RYR3: variants seen among roughly 807,000 people sequenced by gnomAD.
RYR3 encodes the protein brain ryanodine receptor-calcium release channel.
In RYR3, 207 loss-of-function variants were observed where a neutral mutation model predicts 584.3. That is an observed-to-expected ratio of 0.35 (90% CI 0.32 to 0.40). The LOEUF is 0.40. Among genes scored for constraint, RYR3 ranks in the 10% least tolerant of loss-of-function variants. RYR3 has a pLI of 1.00. For synonymous variants in RYR3, 2,416 were observed against 2,248.5 expected (o/e 1.07, Z -2.11); for missense variants, 5,616 against 6,089.2 (o/e 0.92, Z 2.59).
intron 91 of RYR3, among the ~76,000 whole-genome samples, chr15:33,842,414 C>T (rs978361749): frequency 2.0e-5 from 3 of 152,242 alleles, no homozygotes; most frequent in African/African-American, 7.2e-5. Context: ...GAATGTTCCT[C>T]TTATGTTAGC....
intron 1 of RYR3, among the ~76,000 whole-genome samples, chr15:33,333,690 C>G (rs904890042): frequency 1.2e-4 from 19 of 152,226 alleles, no homozygotes; most frequent in Middle Eastern, 3.4e-3. Flanking sequence ...GAAGTTCTGG[C>G]CGGGACAATC....
chr15:33,386,197 G>C (rs1021225845), intron 1 of RYR3, among the ~76,000 whole-genome samples: 1 of 151,920 alleles, frequency 6.6e-6, no homozygotes, highest in South Asian at 2.1e-4. Flanking sequence ...CACCCCTCTT[G>C]CTTGCTTTGT....
chr15:33,615,672 A>G (rs972168419), intron 19 of RYR3, among the ~76,000 whole-genome samples: 2 of 152,166 alleles, frequency 1.3e-5, no homozygotes, highest in Admixed American at 1.3e-4. Context: ...ACTGTGTTCT[A>G]AGAGTTGAAA....
intron 14 of RYR3, 92 bp from the exon 15 acceptor site, chr15:33,584,303 C>G (rs2058734880): frequency 9.2e-6 from 6 of 649,284 alleles, no homozygotes; most frequent in African/African-American, 3.7e-5. Flanking sequence ...CTTTTAGTTG[C>G]TAAGCAAGTG....
chr15:33,563,038 T>A (rs1341844532), intron 11 of RYR3, 28 bp downstream of exon 11: 10 of 1,577,130 alleles, frequency 6.3e-6, no homozygotes, highest in Non-Finnish European at 8.6e-6. Context: ...TGTCTACAAT[T>A]GTTTTACCCT....
At chr15:33,549,303 C>T (rs1311375509) in intron 9 of RYR3, among the ~76,000 whole-genome samples, 3 of 152,240 alleles carry the variant, frequency 2.0e-5, no homozygotes, top group South Asian at 4.2e-4. Context: ...TTGCTCATTT[C>T]CCCAGAGACC....
At chr15:33,623,556 G>A (rs1267339071) in intron 19 of RYR3, among the ~76,000 whole-genome samples, 2 of 152,122 alleles carry the variant, frequency 1.3e-5, no homozygotes, top group Non-Finnish European at 2.9e-5. Flanking sequence ...TAAAAACCTA[G>A]TGGTTTATGT....
intron 1 of RYR3, among the ~76,000 whole-genome samples, chr15:33,416,651 C>A (rs1280140117): frequency 6.6e-6 from 1 of 152,080 alleles, no homozygotes; most frequent in Non-Finnish European, 1.5e-5. Flanking sequence ...GTTGTTTACT[C>A]TGTTGATAGT....
At chr15:33,476,325 T>G (rs1470334061) in intron 2 of RYR3, among the ~76,000 whole-genome samples, 1 of 152,220 alleles carries the variant, frequency 6.6e-6, no homozygotes, top group East Asian at 1.9e-4. Context: ...GGAAATGTCT[T>G]TCCTAACATC....
intron 5 of RYR3, among the ~76,000 whole-genome samples, chr15:33,534,802 G>A (rs1421758612): frequency 6.6e-6 from 1 of 152,184 alleles, no homozygotes; most frequent in African/African-American, 2.4e-5. Flanking sequence ...AGAACAGCCG[G>A]CCTTGGGATA....
At chr15:33,464,008 T>C (rs887001991) in intron 1 of RYR3, among the ~76,000 whole-genome samples, 4 of 152,148 alleles carry the variant, frequency 2.6e-5, no homozygotes, top group Admixed American at 1.3e-4. Context: ...CTAAAATGAC[T>C]AATCTTTCAT....
At chr15:33,862,412 G>GCCCAGGCTGATCTCGAACT (rs1888621322) in intron 102 of RYR3, among the ~76,000 whole-genome samples, 1 of 151,390 alleles carries the variant, frequency 6.6e-6, no homozygotes, top group Non-Finnish European at 1.5e-5. Context: ...TTGCTGTATT[G>GCCCAGGCTGATCTCGAACT]CCCAGGCTGA....
At chr15:33,458,608 T>G (rs1428439750) in intron 1 of RYR3, among the ~76,000 whole-genome samples, 1 of 152,252 alleles carries the variant, frequency 6.6e-6, no homozygotes, top group Non-Finnish European at 1.5e-5. Context: ...CAGTTCATTG[T>G]AAGTTCATGA....
intron 14 of RYR3, 76 bp from the exon 15 acceptor site, chr15:33,584,319 T>C (rs894332610): frequency 1.6e-5 from 12 of 740,834 alleles, no homozygotes; most frequent in Admixed American, 2.4e-5. Flanking sequence ...AAGTGAAATA[T>C]TCGACAGCTT....
chr15:33,839,527 C>G (rs1184435763), intron 89 of RYR3: 1 of 153,178 alleles, frequency 6.5e-6, no homozygotes, highest in Non-Finnish European at 1.5e-5. Context: ...CTGGGTGTTC[C>G]CCTCTCTTGT....
chr15:33,770,672 AT>A, intron 62 of RYR3, among the ~76,000 whole-genome samples: 1 of 152,222 alleles, frequency 6.6e-6, no homozygotes, highest in East Asian at 1.9e-4. Flanking sequence ...ATTGCTGAGC[AT>A]GGGAGGCTCT....
chr15:33,659,862 T>G, intron 33 of RYR3, 56 bp downstream of exon 33: 1 of 1,214,620 alleles, frequency 8.2e-7, no homozygotes, highest in Non-Finnish European at 1.2e-6. Context: ...GCACTAACCA[T>G]TAGGGGGAAA....
intron 64 of RYR3, 41 bp from the exon 65 acceptor site, chr15:33,780,170 T>C (rs1342838139): frequency 6.2e-7 from 1 of 1,604,518 alleles, no homozygotes; most frequent in South Asian, 1.1e-5. Flanking sequence ...GGGGCCAGCA[T>C]GTGGGGGGCC....
At chr15:33,501,961 T>C (rs2052028179) in intron 2 of RYR3, among the ~76,000 whole-genome samples, 1 of 152,106 alleles carries the variant, frequency 6.6e-6, no homozygotes, top group African/African-American at 2.4e-5. Flanking sequence ...TAGTTAATGG[T>C]TTTAATAAAA....
Sources: allele counts gnomAD v4.1 joint callset (sites outside exome capture counted in the v4.1 genomes callset), GRCh38; gene constraint gnomAD v4.1.1; transcripts MANE v1.5; gene names NCBI Gene and HGNC (gene_info 2026-07-23, HGNC 2026-07-21).